The following FLRT2 variants were observed in gnomAD, a reference collection of about 807,000 sequenced individuals.
FLRT2 encodes the protein fibronectin leucine rich transmembrane protein 2.
In FLRT2, 15 loss-of-function variants were observed where a neutral mutation model predicts 40.0. The observed-to-expected ratio is 0.38, with a 90% CI of 0.25 to 0.58. The LOEUF is 0.58. Among genes scored for constraint, FLRT2 ranks in the 20% least tolerant of loss-of-function variants. The pLI is 0.71. For missense variants in FLRT2, 726 were observed against 840.0 expected, an observed-to-expected ratio of 0.86 and a Z score of 1.68; for synonymous variants, 380 against 336.8, an observed-to-expected ratio of 1.13 and a Z score of -1.41.
chr14:85,557,861 C>T (rs544982475), intron 1 of FLRT2, among the ~76,000 whole-genome samples: 37 of 152,154 alleles, frequency 2.4e-4, no homozygotes, highest in African/African-American at 8.7e-4. Context: ...CAAAAGCAAA[C>T]TAAAAAGACA....
chr14:85,610,949 G>T (rs531739036), intron 1 of FLRT2, among the ~76,000 whole-genome samples: 73 of 152,254 alleles, frequency 4.8e-4, no homozygotes, highest in African/African-American at 1.6e-3. Flanking sequence ...AGGCTGGAGT[G>T]CAGTGGTGCA....
intron 1 of FLRT2, among the ~76,000 whole-genome samples, chr14:85,583,814 T>C (rs1427703883): frequency 6.6e-6 from 1 of 151,848 alleles, no homozygotes; most frequent in East Asian, 1.9e-4. Flanking sequence ...AATCTGAAAG[T>C]GGATATATGG....
chr14:85,597,527 A>C (rs1892193065), intron 1 of FLRT2, among the ~76,000 whole-genome samples: 1 of 152,174 alleles, frequency 6.6e-6, no homozygotes, highest in Non-Finnish European at 1.5e-5. Context: ...TAGAAGCTTG[A>C]TACTGGAAGT....
intron 1 of FLRT2, among the ~76,000 whole-genome samples, chr14:85,606,604 A>G (rs1892627709): frequency 7.0e-6 from 1 of 143,444 alleles, no homozygotes. Flanking sequence ...AGCTCACAGC[A>G]GCCTCCGACT....
At chr14:85,613,201 G>A (rs2747007) in intron 1 of FLRT2, among the ~76,000 whole-genome samples, 124,418 of 152,016 alleles carry the variant, frequency 0.82, 50,962 homozygotes, top group East Asian at 0.88. Context: ...GATAGATCAC[G>A]AATACTTAGT....
At chr14:85,606,442 G>A (rs946598619) in intron 1 of FLRT2, among the ~76,000 whole-genome samples, 7 of 151,882 alleles carry the variant, frequency 4.6e-5, no homozygotes, top group Non-Finnish European at 1.0e-4. Flanking sequence ...TACACAGTGT[G>A]GCCATCAGAA....
chr14:85,610,534 C>T (rs944489655), intron 1 of FLRT2, among the ~76,000 whole-genome samples: 8 of 152,172 alleles, frequency 5.3e-5, no homozygotes, highest in Non-Finnish European at 1.2e-4. Flanking sequence ...TCCATTAAAA[C>T]TCTTGGCCCT....
rs534362753 is a variant in FLRT2 at position 85,645,247 on chromosome 14, T to C, written c.*21750T>C. 9.9e-6 allele frequency: 1 copy of C among 101,172 alleles called. No homozygotes were observed. The highest frequency in any genetic ancestry group is 4.1e-5 in the African/African-American group (1 of 24,544). The allele number at this position is 101,172 out of a possible 1,614,324, so 6.3% of individuals were successfully genotyped here. Reference sequence around the variant, plus strand: ...GTATATATGTATATACATATATGTATACATGTGTATATATGTATACATGTG... The same window carrying C: ...GTATATATGTATATACATATATGTACACATGTGTATATATGTATACATGTG... On this transcript the variant is annotated 3_prime_UTR_variant, in exon 2 of 2. Transcript: ENST00000330753.
chr14:85,615,116 G>A (rs1237209369), intron 1 of FLRT2, among the ~76,000 whole-genome samples: 5 of 152,184 alleles, frequency 3.3e-5, no homozygotes, highest in Non-Finnish European at 1.5e-5. Context: ...CAAACACCGT[G>A]CAGGCAGTAG....
intron 1 of FLRT2, among the ~76,000 whole-genome samples, chr14:85,611,868 T>G: frequency 6.6e-6 from 1 of 151,112 alleles, no homozygotes; most frequent in South Asian, 2.1e-4. Context: ...AAGTCAAAAC[T>G]ACCTTTTCAT....
In FLRT2 at chr14:85,637,672, T is replaced by C. The variant is rs1894042187; in HGVS notation, c.*14175T>C. ...TGCCTTCTCATGTGATCAGGAGTGA[T>C]GTAGCTTTGAGGGTGGACCCACCAT... On this transcript the variant is annotated 3_prime_UTR_variant, in exon 2 of 2. Coordinates refer to ENST00000330753, the MANE Select transcript of FLRT2 (RefSeq NM_013231.6). 2 of 152,214 alleles carry C rather than the reference T, an allele frequency of 1.3e-5. No individual in the cohort carries two copies. Among genetic ancestry groups the C allele is most frequent in the African/African-American group, 2.4e-5 (1 of 41,450 alleles). The allele number at this position is 152,214 out of a possible 1,614,324, so 9.4% of individuals were successfully genotyped here. A position where few individuals can be genotyped will look rare whatever the true frequency, so the allele number is the denominator to read the frequency against.
chr14:85,581,474 T>C (rs546758514), intron 1 of FLRT2, among the ~76,000 whole-genome samples: 1 of 152,266 alleles, frequency 6.6e-6, no homozygotes, highest in South Asian at 2.1e-4. Flanking sequence ...CTACCACATC[T>C]CCACTTCTTG....
At chr14:85,606,892 AC>A (rs2139343770) in intron 1 of FLRT2, among the ~76,000 whole-genome samples, 1 of 146,298 alleles carries the variant, frequency 6.8e-6, no homozygotes, top group African/African-American at 2.5e-5. Flanking sequence ...GCATTATTAC[AC>A]CCCCTTCCCC....
At position 85,644,606 on chromosome 14, in the gene FLRT2, A is replaced by G. The variant is rs1189522820; in HGVS notation, c.*21109A>G. Reference sequence around the variant, plus strand: ...CAAATTTCTGGGAGTTTAGTCCGGCATGTCTGGAAATCCTTTCCAAAGAAA... The same window carrying G: ...CAAATTTCTGGGAGTTTAGTCCGGCGTGTCTGGAAATCCTTTCCAAAGAAA... On this transcript the variant is annotated 3_prime_UTR_variant, in exon 2 of 2. Transcript: ENST00000330753. The G allele has an allele frequency of 6.6e-6, 1 of 152,224 alleles. No individual in the cohort carries two copies. The highest frequency in any genetic ancestry group is 1.5e-5 in the Non-Finnish European group (1 of 68,038). 9.4% of individuals were successfully genotyped at this position (152,224 alleles called of 1,614,324 possible).
rs1468663475 is a variant in FLRT2, at chr14:85,633,023, AT to A, written c.*9531del. ...GAATAAATGACATGAAGCACCATGT[AT>A]TTTTCATGCAGATGTAATTCACAAG... is the stretch of plus-strand genomic sequence containing the variant. On this transcript the variant is annotated 3_prime_UTR_variant, in exon 2 of 2. Transcript: ENST00000330753. 2.0e-5 allele frequency: 3 copies of A among 152,186 alleles called. No individual in the cohort carries two copies. The highest frequency in any genetic ancestry group is 7.2e-5 in the African/African-American group (3 of 41,450). 9.4% of individuals were successfully genotyped at this position (152,186 alleles called of 1,614,324 possible).
intron 1 of FLRT2, among the ~76,000 whole-genome samples, chr14:85,552,298 G>A (rs1304359479): frequency 6.6e-6 from 1 of 152,104 alleles, no homozygotes; most frequent in African/African-American, 2.4e-5. Flanking sequence ...TGTTACCTTG[G>A]CAAAGTACTT....
chr14:85,643,547 C>T lies in FLRT2; in HGVS notation c.*20050C>T, dbSNP rs1894219564. 6.6e-6 allele frequency: 1 copy of T among 151,942 alleles called. No homozygotes were observed. Among genetic ancestry groups the T allele is most frequent in the Non-Finnish European group, 1.5e-5 (1 of 68,144 alleles). The allele number at this position is 151,942 out of a possible 1,614,324, so 9.4% of individuals were successfully genotyped here. A position where few individuals can be genotyped will look rare whatever the true frequency, so the allele number is the denominator to read the frequency against. On this transcript the variant is annotated 3_prime_UTR_variant, in exon 2 of 2. Transcript: ENST00000330753. ...AGCTGGGACTACAGGCGTGCACCACCACACCTGACTAATTTTTGTGTTTTT... is the reference window on the plus strand; with the variant it reads ...AGCTGGGACTACAGGCGTGCACCACTACACCTGACTAATTTTTGTGTTTTT...
rs1894169124 is a variant in FLRT2, at chr14:85,642,331, ACCC to A, written c.*18837_*18839del. 6.6e-6 allele frequency: 1 copy of A among 151,944 alleles called. No homozygotes were observed. 9.4% of individuals were successfully genotyped at this position (151,944 alleles called of 1,614,324 possible). A position where few individuals can be genotyped will look rare whatever the true frequency, so the allele number is the denominator to read the frequency against. ...GTTTAAATTATTCTGACTATACTGA[ACCC>A]CCAAGTCCGATGAGCCTTCTTTGCC... is the stretch of plus-strand genomic sequence containing the variant. On this transcript the variant is annotated 3_prime_UTR_variant, in exon 2 of 2. Transcript: ENST00000330753.
At chr14:85,568,990 A>T (rs1408982872) in intron 1 of FLRT2, among the ~76,000 whole-genome samples, 1 of 152,114 alleles carries the variant, frequency 6.6e-6, no homozygotes, top group Non-Finnish European at 1.5e-5. Flanking sequence ...TTATTTTAGA[A>T]ATCCCAACGG....
Sources: allele counts gnomAD v4.1 joint callset (sites outside exome capture counted in the v4.1 genomes callset), GRCh38; gene constraint gnomAD v4.1.1; transcripts MANE v1.5; gene names NCBI Gene and HGNC (gene_info 2026-07-23, HGNC 2026-07-21).